The following HBP1 variants were observed in gnomAD, a reference collection of about 807,000 sequenced individuals.
HBP1 encodes HMG box-containing protein 1.
Under a neutral mutation model 62.6 loss-of-function variants are expected in HBP1, and 20 were observed. The observed-to-expected ratio is 0.32, with a 90% CI of 0.22 to 0.46. The LOEUF (loss-of-function observed/expected upper bound fraction) is 0.46. Among genes scored for constraint, HBP1 ranks in the 20% least tolerant of loss-of-function variants. HBP1 has a pLI of 1.00. For missense variants in HBP1, 480 were observed against 611.8 expected (o/e 0.78, Z 2.27); for synonymous variants, 232 against 206.2 (o/e 1.12, Z -1.07).
At chr7:107,197,084 G>C (rs1173992533) in intron 9 of HBP1, 2 of 152,162 alleles carry the variant, frequency 1.3e-5, no homozygotes, top group Non-Finnish European at 2.9e-5. Context: ...GCTGTCCTCA[G>C]TAGAAGCTGG....
chr7:107,182,893 A>G (rs1188875871), intron 3 of HBP1, among the ~76,000 whole-genome samples: 1 of 152,210 alleles, frequency 6.6e-6, no homozygotes, highest in Admixed American at 6.5e-5. Flanking sequence ...TATAGAAATG[A>G]AAATTGTATT....
At chr7:107,170,082 T>C (rs1053424335) in intron 1 of HBP1, 1 of 985,212 alleles carries the variant, frequency 1.0e-6, no homozygotes, top group African/African-American at 1.7e-5. Flanking sequence ...AGTTCATTCT[T>C]AGGGAGTTTT....
At chr7:107,180,087 G>A (rs1468607531) in intron 2 of HBP1, 25 bp downstream of exon 2, 1 of 1,431,954 alleles carries the variant, frequency 7.0e-7, no homozygotes, top group Admixed American at 1.7e-5. Flanking sequence ...AAGTTATATA[G>A]AAATCTCACT....
chr7:107,179,865 G>A lies in HBP1; in HGVS notation c.-15-14G>A, dbSNP rs756570336. On this transcript the variant is annotated splice_polypyrimidine_tract_variant and intron_variant, in intron 1 of 10. Transcript: ENST00000222574. ...TGGCTTGACATCATTTCTTAATGTC[G>A]TTTTTATTTTAAGTCAGAGCACCAT... 9 of 1,541,836 alleles carry A rather than the reference G, an allele frequency of 5.8e-6. No homozygotes were observed. Among genetic ancestry groups the A allele is most frequent in the Admixed American group, 3.4e-5 (2 of 58,280 alleles).
intron 7 of HBP1, 105 bp downstream of exon 7, chr7:107,189,553 C>T (rs1024872055): frequency 1.0e-5 from 8 of 795,986 alleles, no homozygotes; most frequent in East Asian, 7.9e-5. Context: ...GAGGGGAAAA[C>T]GTCTTTCAAA....
intron 8 of HBP1, among the ~76,000 whole-genome samples, chr7:107,195,516 A>G (rs1797854509): frequency 6.6e-6 from 1 of 152,236 alleles, no homozygotes; most frequent in Non-Finnish European, 1.5e-5. Context: ...TGGGTTGTGT[A>G]GGATTTGGAG....
intron 2 of HBP1, among the ~76,000 whole-genome samples, chr7:107,182,033 ATTG>A (rs1157362939): frequency 5.3e-5 from 8 of 152,272 alleles, no homozygotes; most frequent in African/African-American, 1.7e-4. Context: ...TATGGAAATT[ATTG>A]TTTATAGTCT....
chr7:107,169,483 G>A (rs1377282666), intron 1 of HBP1, among the ~76,000 whole-genome samples: 1 of 148,196 alleles, frequency 6.7e-6, no homozygotes, highest in East Asian at 2.1e-4. Flanking sequence ...GCCGGGCCGG[G>A]TGTGGAGATG....
intron 9 of HBP1, among the ~76,000 whole-genome samples, chr7:107,199,685 G>A (rs750492526): frequency 6.6e-6 from 1 of 152,196 alleles, no homozygotes; most frequent in Non-Finnish European, 1.5e-5. Context: ...TTTCATAGCA[G>A]AGTAACAAAC....
chr7:107,172,740 G>T (rs1796659081), intron 1 of HBP1, among the ~76,000 whole-genome samples: 2 of 151,490 alleles, frequency 1.3e-5, no homozygotes, highest in African/African-American at 4.9e-5. Flanking sequence ...ATAGGTACTA[G>T]TCCCATTTTT....
chr7:107,171,129 G>A (rs1215721386), intron 1 of HBP1, among the ~76,000 whole-genome samples: 1 of 139,804 alleles, frequency 7.2e-6, no homozygotes, highest in East Asian at 2.1e-4. Context: ...GAGTGCAGGG[G>A]TGCGATCTCG....
In HBP1 at chr7:107,185,805, T is replaced by C; in HGVS notation, c.403T>C (p.Ser135Pro). Residue 135 changes from serine to proline, a missense_variant, in exon 4 of 11, where the codon TCT (serine) becomes CCT (proline). This residue lies in a region of HBP1 where 304 missense variants were observed against 330.9 expected (regional missense o/e 0.92). Transcript: ENST00000222574. The stretch of plus-strand genomic sequence containing the variant: ...GAAACTGTTGCTTTATTTTAGATCA[T>C]CTCCTGTACACATCATAGCCACTAG... ...LMQCSFYNRS[S>P]PVHIIATSKS... The C allele has an allele frequency of 6.2e-7, 1 of 1,611,750 alleles. No homozygotes were observed. Among genetic ancestry groups the C allele is most frequent in the South Asian group, 1.1e-5 (1 of 90,794 alleles).
At chr7:107,174,370 T>C (rs1436448989) in intron 1 of HBP1, 1 of 619,692 alleles carries the variant, frequency 1.6e-6, no homozygotes, top group Non-Finnish European at 2.0e-6. Context: ...TCAGTAAATA[T>C]TTATTTGGTT....
Position 107,189,332 on chromosome 7 carries a change from A to G in HBP1, c.806A>G (p.Glu269Gly). 1 of 1,613,098 alleles carries G rather than the reference A, an allele frequency of 6.2e-7. No individual in the cohort carries two copies. Among genetic ancestry groups the G allele is most frequent in the South Asian group, 1.1e-5 (1 of 91,054 alleles). The change falls in exon 7 of 11, where the codon GAA (glutamate) becomes GGA (glycine). Residue 269 changes from glutamate (E) to glycine (G), a missense_variant. By Grantham distance (98) the Glu-to-Gly change is moderately conservative. Coordinates refer to ENST00000222574, the MANE Select transcript of HBP1 (RefSeq NM_012257.4). ...GGTCTAAAGTTGTTATCACATGAAGAAAGTGTATCATTTGGCGAGTCTGTA... is the reference window on the plus strand; with the variant it reads ...GGTCTAAAGTTGTTATCACATGAAGGAAGTGTATCATTTGGCGAGTCTGTA... ...SDGLKLLSHE[E>G]SVSFGESVLK...
At chr7:107,181,660 T>G (rs898316242) in intron 2 of HBP1, among the ~76,000 whole-genome samples, 1 of 149,660 alleles carries the variant, frequency 6.7e-6, no homozygotes, top group African/African-American at 2.4e-5. Flanking sequence ...CGTGGAGAGT[T>G]TTTTTTTTTA....
At chr7:107,189,169 T>C in intron 6 of HBP1, 123 bp from the exon 7 acceptor site, 1 of 734,924 alleles carries the variant, frequency 1.4e-6, no homozygotes, top group Admixed American at 2.8e-5. Flanking sequence ...GAAAGCTCTT[T>C]AATGGCAGGG....
At chr7:107,197,732 CTT>C (rs934665822) in intron 9 of HBP1, among the ~76,000 whole-genome samples, 2 of 152,108 alleles carry the variant, frequency 1.3e-5, no homozygotes, top group African/African-American at 2.4e-5. Flanking sequence ...ATTTGTGTGA[CTT>C]TTGGCAATTA....
chr7:107,186,254 T>A (rs1797369652), intron 4 of HBP1, 107 bp from the exon 5 acceptor site: 2 of 635,634 alleles, frequency 3.1e-6, no homozygotes, highest in South Asian at 4.5e-5. Context: ...TTAGAATTAC[T>A]AAGTTATCCA....
At chr7:107,192,433 T>C (rs1387264588) in intron 8 of HBP1, 9 of 152,110 alleles carry the variant, frequency 5.9e-5, no homozygotes, top group Admixed American at 5.2e-4. Context: ...TTATATGTTG[T>C]ATTTATGAGT....
Sources: gnomAD v4.1 joint callset for allele counts (sites outside exome capture counted in the v4.1 genomes callset) on GRCh38, gnomAD v4.1.1 for gene constraint, gnomAD v4.1.1 regional missense constraint, MANE v1.5 for transcripts, NCBI Gene and HGNC (gene_info 2026-07-23, HGNC 2026-07-21) for gene names.